The following CACNB4 variants were observed in gnomAD, a reference collection of about 807,000 sequenced individuals.
The protein encoded by CACNB4 is voltage-dependent L-type calcium channel subunit beta-4.
A neutral mutation model predicts 71.2 loss-of-function variants in CACNB4; 32 were observed. The ratio of observed to expected loss-of-function variants is 0.45; its 90% CI spans 0.34 to 0.60. The LOEUF is 0.60. CACNB4 is among the 20% of genes least tolerant of loss of function. The pLI is 0.01. For missense variants in CACNB4, 464 were observed against 647.9 expected (o/e 0.72, Z 3.08); for synonymous variants, 231 against 236.9 (o/e 0.97, Z 0.23).
At chr2:152,025,433 A>C (rs1683908970) in intron 2 of CACNB4, among the ~76,000 whole-genome samples, 1 of 152,256 alleles carries the variant, frequency 6.6e-6, no homozygotes, top group South Asian at 2.1e-4. Context: ...AGATATGAGC[A>C]CAAACTGGAC....
intron 4 of CACNB4, chr2:151,880,358 C>T (rs2099847521): frequency 5.3e-6 from 1 of 187,714 alleles, no homozygotes. Context: ...TGATTATACA[C>T]TCTAGTGTTG....
intron 2 of CACNB4, among the ~76,000 whole-genome samples, chr2:152,012,189 C>G (rs1177312618): frequency 6.6e-6 from 1 of 151,756 alleles, no homozygotes; most frequent in African/African-American, 2.4e-5. Context: ...TAGCAGATGA[C>G]AGCTCCATGT....
intron 2 of CACNB4, chr2:151,972,713 TTTTGTTATAACC>T (rs1220432847): frequency 1.0e-5 from 1 of 95,652 alleles, no homozygotes; most frequent in Non-Finnish European, 2.6e-5. Context: ...TTTGTTTTTT[TTTTGTTATAACC>T]TGTTTATTTG....
chr2:151,978,300 G>A (rs1385187126), intron 2 of CACNB4, among the ~76,000 whole-genome samples: 4 of 152,154 alleles, frequency 2.6e-5, no homozygotes, highest in African/African-American at 9.7e-5. Context: ...TACATAGGAG[G>A]CAGTGTGGAA....
At chr2:151,978,724 T>C (rs1202879256) in intron 2 of CACNB4, among the ~76,000 whole-genome samples, 1 of 152,192 alleles carries the variant, frequency 6.6e-6, no homozygotes, top group Non-Finnish European at 1.5e-5. Flanking sequence ...AAAGCCCTGA[T>C]GCCCTTGCCT....
chr2:152,082,710 A>C (rs1687428609), intron 2 of CACNB4, among the ~76,000 whole-genome samples: 1 of 152,202 alleles, frequency 6.6e-6, no homozygotes, highest in South Asian at 2.1e-4. Context: ...CTGTATCAAT[A>C]GTTATGTGGT....
intron 2 of CACNB4, among the ~76,000 whole-genome samples, chr2:152,027,776 C>T (rs1003677647): frequency 7.0e-6 from 1 of 142,040 alleles, no homozygotes; most frequent in African/African-American, 2.5e-5. Flanking sequence ...CGCTTGAACC[C>T]GGGAGGCGGA....
At chr2:152,013,285 T>G (rs1683160824) in intron 2 of CACNB4, among the ~76,000 whole-genome samples, 1 of 152,212 alleles carries the variant, frequency 6.6e-6, no homozygotes, top group African/African-American at 2.4e-5. Flanking sequence ...ATAACTCATT[T>G]GGACAGAATA....
At chr2:151,891,896 A>C (rs1296273440) in intron 2 of CACNB4, among the ~76,000 whole-genome samples, 1 of 152,170 alleles carries the variant, frequency 6.6e-6, no homozygotes, top group African/African-American at 2.4e-5. Context: ...CACCCTGCCT[A>C]GTCAAAACTT....
intron 2 of CACNB4, among the ~76,000 whole-genome samples, chr2:152,081,384 C>T (rs6433819): frequency 0.98 from 149,440 of 152,266 alleles, 73,398 homozygotes; most frequent in Middle Eastern, 1. Flanking sequence ...CTGGGCTCAG[C>T]GTGCATGCCT....
chr2:151,866,544 T>C (rs2099843165), intron 9 of CACNB4: 1 of 152,236 alleles, frequency 6.6e-6, no homozygotes, highest in Admixed American at 6.5e-5. Flanking sequence ...TAATGCAGCA[T>C]GATGTTATAG....
Position 151,942,317 on chromosome 2 carries a change from G to A in CACNB4, c.148-58947C>T, listed in dbSNP as rs189832158. On this transcript the variant is annotated intron_variant, in intron 2 of 13. Coordinates refer to ENST00000539935, the MANE Select transcript of CACNB4 (RefSeq NM_000726.5). ...TTCATTTTAATATGGACATTTATCC[G>A]TTCCCAAATAATACTTTTATAATTT... is the stretch of plus-strand genomic sequence containing the variant. 6.4e-3 allele frequency among the ~76,000 whole-genome samples: 960 copies of A among 149,232 alleles called. 11 individuals carry two copies. The highest frequency in any genetic ancestry group is 9.1e-3 in the Non-Finnish European group (619 of 68,026).
At chr2:152,060,491 T>C (rs1685951086) in intron 2 of CACNB4, among the ~76,000 whole-genome samples, 1 of 152,244 alleles carries the variant, frequency 6.6e-6, no homozygotes. Flanking sequence ...TGTTATAGCA[T>C]GCTATGAGGC....
At chr2:151,932,134 T>C (rs1412897035) in intron 2 of CACNB4, among the ~76,000 whole-genome samples, 1 of 152,164 alleles carries the variant, frequency 6.6e-6, no homozygotes. Flanking sequence ...CTTTTATATA[T>C]CACTGAGTTG....
At chr2:152,056,219 A>G (rs895934959) in intron 2 of CACNB4, among the ~76,000 whole-genome samples, 3 of 151,968 alleles carry the variant, frequency 2.0e-5, no homozygotes, top group Admixed American at 2.0e-4. Flanking sequence ...AAAATTAGCC[A>G]GGCATGGTGG....
chr2:151,976,171 C>A (rs2099873758), intron 2 of CACNB4, among the ~76,000 whole-genome samples: 1 of 152,230 alleles, frequency 6.6e-6, no homozygotes, highest in Admixed American at 6.5e-5. Flanking sequence ...CCCAACCCCT[C>A]TAACTAAGAA....
chr2:151,977,854 G>A lies in CACNB4; in HGVS notation c.148-94484C>T, dbSNP rs934497634. ...GCTAGCCCTCCTGTTGGCTCCACGG[G>A]CTAGAACACAAGCCCAAGGTCTCTG... On this transcript the variant is annotated intron_variant, in intron 2 of 13. Transcript: ENST00000539935. Among the ~76,000 whole-genome samples the A allele has an allele frequency of 2.0e-5, 3 of 152,214 alleles. No individual in the cohort carries two copies. In the East Asian group the frequency reaches 5.8e-4, roughly 29 times the overall value.
chr2:151,899,949 T>A (rs1478730124), intron 2 of CACNB4, among the ~76,000 whole-genome samples: 1 of 152,024 alleles, frequency 6.6e-6, no homozygotes, highest in African/African-American at 2.4e-5. Flanking sequence ...AAAAGTACCA[T>A]AAAAGTACCA....
At chr2:151,897,057 ATC>A (rs1363484845) in intron 2 of CACNB4, among the ~76,000 whole-genome samples, 3 of 152,262 alleles carry the variant, frequency 2.0e-5, no homozygotes, top group Admixed American at 2.0e-4. Flanking sequence ...TAAAAAAAGA[ATC>A]TCTCTTTCTG....
Sources: allele counts gnomAD v4.1 joint callset (sites outside exome capture counted in the v4.1 genomes callset), GRCh38; gene constraint gnomAD v4.1.1; transcripts MANE v1.5; gene names NCBI Gene and HGNC (gene_info 2026-07-23, HGNC 2026-07-21).